The following MAP2K1 variants were observed in gnomAD, a reference collection of about 807,000 sequenced individuals.
The protein encoded by MAP2K1 is mitogen-activated protein kinase kinase 1, also known as dual specificity mitogen-activated protein kinase kinase 1.
In MAP2K1, 16 loss-of-function variants were observed where a neutral mutation model predicts 46.3. The ratio of observed to expected loss-of-function variants is 0.35; its 90% CI spans 0.23 to 0.52. MAP2K1 has a LOEUF of 0.52. Ranked by LOEUF, MAP2K1 falls within the 20% of genes least tolerant of loss-of-function variation. The probability of loss-of-function intolerance (pLI) is 0.94; values close to 1 mark genes in which losing one functional copy is unlikely to be tolerated. For synonymous variants in MAP2K1, 183 were observed against 185.6 expected (o/e 0.99, Z 0.11); for missense variants, 263 against 497.1 (o/e 0.53, Z 4.48).
intron 1 of MAP2K1, 78 bp from the exon 2 acceptor site, chr15:66,434,949 T>G (rs1567008966): frequency 2.0e-6 from 2 of 976,386 alleles, no homozygotes; most frequent in Non-Finnish European, 1.7e-6. Flanking sequence ...CCTGGAGCTT[T>G]CTTTCCATGA....
At chr15:66,463,205 C>T (rs1409208830) in intron 5 of MAP2K1, among the ~76,000 whole-genome samples, 1 of 152,182 alleles carries the variant, frequency 6.6e-6, no homozygotes, top group Non-Finnish European at 1.5e-5. Context: ...TCCTTTCTCC[C>T]TTCTTCATTT....
Position 66,421,028 on chromosome 15 carries a change from T to G in MAP2K1, c.81-13999T>G, listed in dbSNP as rs1490579587. ...ACGTGCATATATATACTTATAATTTTTATATGTACAATTTTATATATATGT... is the reference window on the plus strand; with the variant it reads ...ACGTGCATATATATACTTATAATTTGTATATGTACAATTTTATATATATGT... On this transcript the variant is annotated intron_variant, in intron 1 of 10. Coordinates refer to ENST00000307102, the MANE Select transcript of MAP2K1 (RefSeq NM_002755.4). 2.0e-5 allele frequency among the ~76,000 whole-genome samples: 3 copies of G among 148,986 alleles called. No individual in the cohort carries two copies. In the East Asian group the frequency reaches 5.9e-4, roughly 29 times the overall value.
intron 5 of MAP2K1, chr15:66,446,614 GTGT>G (rs1225947752): frequency 1.0e-5 from 3 of 294,446 alleles, no homozygotes; most frequent in Non-Finnish European, 2.3e-5. Flanking sequence ...AGGAGTCACT[GTGT>G]TGTTCTTTGC....
At chr15:66,466,246 CAG>C (rs1892462003) in intron 5 of MAP2K1, among the ~76,000 whole-genome samples, 1 of 152,224 alleles carries the variant, frequency 6.6e-6, no homozygotes, top group Non-Finnish European at 1.5e-5. Context: ...CAAATGAAAA[CAG>C]ATTTTTATTG....
At chr15:66,465,530 G>C (rs757593916) in intron 5 of MAP2K1, among the ~76,000 whole-genome samples, 134 of 152,284 alleles carry the variant, frequency 8.8e-4, no homozygotes, top group Non-Finnish European at 1.5e-3. Flanking sequence ...CAGGCCCAGG[G>C]TGTGGCACCA....
intron 5 of MAP2K1, among the ~76,000 whole-genome samples, chr15:66,449,044 A>C (rs1891961371): frequency 6.6e-6 from 1 of 151,596 alleles, no homozygotes; most frequent in African/African-American, 2.4e-5. Flanking sequence ...ACAACCAAAA[A>C]CATTCAGAGA....
At chr15:66,453,636 C>T in intron 5 of MAP2K1, 2 of 691,568 alleles carry the variant, frequency 2.9e-6, no homozygotes, top group Non-Finnish European at 5.3e-6. Context: ...ATGGCCAGTT[C>T]TACCTCTGTT....
chr15:66,481,603 C>T, intron 5 of MAP2K1, 152 bp from the exon 6 acceptor site: 1 of 795,114 alleles, frequency 1.3e-6, no homozygotes, highest in Middle Eastern at 3.7e-4. Context: ...CCTTGGTGTA[C>T]AGTGTTTGCA....
intron 3 of MAP2K1, among the ~76,000 whole-genome samples, chr15:66,437,308 T>A (rs989360270): frequency 6.6e-6 from 1 of 152,116 alleles, no homozygotes; most frequent in Non-Finnish European, 1.5e-5. Context: ...TTTCTCTGGG[T>A]TTCTGTATGA....
At chr15:66,440,087 T>G (rs1249382107) in intron 3 of MAP2K1, among the ~76,000 whole-genome samples, 1 of 148,018 alleles carries the variant, frequency 6.8e-6, no homozygotes, top group African/African-American at 2.7e-5. Context: ...CGCGTGGGGT[T>G]CTGTTTTTGT....
At chr15:66,445,672 A>G (rs950172153) in intron 5 of MAP2K1, among the ~76,000 whole-genome samples, 3 of 152,216 alleles carry the variant, frequency 2.0e-5, no homozygotes, top group African/African-American at 7.2e-5. Context: ...GATAACACCT[A>G]ACTTTGAATT....
At chr15:66,489,454 T>C (rs1893165570) in intron 9 of MAP2K1, 178 bp downstream of exon 9, 2 of 695,940 alleles carry the variant, frequency 2.9e-6, no homozygotes, top group African/African-American at 1.8e-5. Flanking sequence ...TTATGTGGCA[T>C]GTCTAACTAC....
intron 1 of MAP2K1, among the ~76,000 whole-genome samples, chr15:66,429,516 T>A (rs948975604): frequency 6.6e-6 from 1 of 152,186 alleles, no homozygotes; most frequent in African/African-American, 2.4e-5. Context: ...ACAGAGCACA[T>A]ATACACATTC....
intron 3 of MAP2K1, 62 bp from the exon 4 acceptor site, chr15:66,443,218 G>A (rs780688131): frequency 1.2e-5 from 14 of 1,121,362 alleles, no homozygotes; most frequent in Non-Finnish European, 1.9e-5. Flanking sequence ...ACAGCCGAAA[G>A]TTATCACTTG....
intron 5 of MAP2K1, among the ~76,000 whole-genome samples, chr15:66,449,187 A>G (rs1156944770): frequency 2.0e-5 from 3 of 152,198 alleles, no homozygotes; most frequent in Non-Finnish European, 4.4e-5. Flanking sequence ...ACAAATATTC[A>G]TAGCAGCTTT....
intron 5 of MAP2K1, among the ~76,000 whole-genome samples, chr15:66,455,561 C>T (rs552954469): frequency 6.0e-4 from 89 of 148,590 alleles, no homozygotes; most frequent in Middle Eastern, 3.5e-3. Context: ...TACTGTTTTT[C>T]CACCTAGGTG....
At chr15:66,463,616 G>A (rs184203290) in intron 5 of MAP2K1, among the ~76,000 whole-genome samples, 266 of 152,332 alleles carry the variant, frequency 1.7e-3, no homozygotes, top group African/African-American at 6.2e-3. Context: ...CCGAGTAGCC[G>A]GGATTACAGG....
At chr15:66,437,644 A>C (rs2093491907) in intron 3 of MAP2K1, among the ~76,000 whole-genome samples, 1 of 152,144 alleles carries the variant, frequency 6.6e-6, no homozygotes, top group South Asian at 2.1e-4. Context: ...TGACCTTTAG[A>C]ATAGGGATCC....
chr15:66,388,664 C>T (rs1468192435), intron 1 of MAP2K1, among the ~76,000 whole-genome samples: 1 of 152,096 alleles, frequency 6.6e-6, no homozygotes, highest in Non-Finnish European at 1.5e-5. Flanking sequence ...AGCCACTATG[C>T]CCAGCCAACT....
Sources: allele counts gnomAD v4.1 joint callset (sites outside exome capture counted in the v4.1 genomes callset), GRCh38; gene constraint gnomAD v4.1.1; transcripts MANE v1.5; gene names NCBI Gene and HGNC (gene_info 2026-07-23, HGNC 2026-07-21).